The following IL3RA variants were observed in gnomAD, a reference collection of about 807,000 sequenced individuals.
The protein encoded by IL3RA is interleukin 3 receptor subunit alpha.
IL3RA carries 73 observed loss-of-function variants against 52.3 expected under a neutral mutation model. The observed-to-expected ratio is 1.40, with a 90% CI of 1.16 to 1.70. IL3RA has a LOEUF of 1.70. IL3RA is among the 40% of genes most tolerant of loss of function. The pLI is 0.00. For synonymous variants in IL3RA, 260 were observed against 194.0 expected, an observed-to-expected ratio of 1.34 and a Z score of -2.83; for missense variants, 664 against 504.4, an observed-to-expected ratio of 1.32 and a Z score of -3.03.
intron 4 of IL3RA, among the ~76,000 whole-genome samples, chrX:1,349,458 G>C (rs1311171240): frequency 2.0e-5 from 3 of 151,730 alleles, no homozygotes; most frequent in Non-Finnish European, 2.9e-5. Flanking sequence ...GGGAGTACAG[G>C]GGTGAGCCAC....
intron 10 of IL3RA, among the ~76,000 whole-genome samples, chrX:1,380,057 G>T (rs1209900230): frequency 6.6e-6 from 1 of 152,058 alleles, no homozygotes. Flanking sequence ...ACCATGCCCG[G>T]ATAATTTTGT....
At chrX:1,379,952 G>C (rs2089061435) in intron 10 of IL3RA, among the ~76,000 whole-genome samples, 1 of 152,134 alleles carries the variant, frequency 6.6e-6, no homozygotes, top group Non-Finnish European at 1.5e-5. Flanking sequence ...TAGAGATGGG[G>C]TTTCTCCGTG....
chrX:1,343,305 T>G (rs1390206126), intron 2 of IL3RA, among the ~76,000 whole-genome samples: 12 of 152,062 alleles, frequency 7.9e-5, no homozygotes, highest in Non-Finnish European at 1.6e-4. Flanking sequence ...CGATCAGAGA[T>G]AAACCCTAGA....
At chrX:1,377,549 C>T (rs1171427002) in intron 9 of IL3RA, among the ~76,000 whole-genome samples, 4 of 151,432 alleles carry the variant, frequency 2.6e-5, no homozygotes, top group Non-Finnish European at 5.9e-5. Context: ...GGCCAAATTC[C>T]TTTTTTCTGA....
intron 1 of IL3RA, among the ~76,000 whole-genome samples, chrX:1,340,871 CTT>C (rs1252191453): frequency 6.6e-6 from 1 of 152,064 alleles, no homozygotes; most frequent in African/African-American, 2.4e-5. Context: ...CATCCCAGCA[CTT>C]TGGGAGGCTG....
chrX:1,360,874 CCTCT>C (rs1222705845), intron 8 of IL3RA, among the ~76,000 whole-genome samples: 4 of 148,154 alleles, frequency 2.7e-5, no homozygotes, highest in East Asian at 2.0e-4. Flanking sequence ...TCTCCCTTCC[CCTCT>C]CTGTCTCTCT....
intron 3 of IL3RA, among the ~76,000 whole-genome samples, chrX:1,347,353 A>C (rs6645275): frequency 6.6e-6 from 1 of 150,802 alleles, no homozygotes; most frequent in African/African-American, 2.5e-5. Flanking sequence ...CTGAGGCAGG[A>C]GAATGGCTTG....
chrX:1,377,012 A>G (rs1179118739), intron 9 of IL3RA, among the ~76,000 whole-genome samples: 1 of 146,110 alleles, frequency 6.8e-6, no homozygotes, highest in Non-Finnish European at 1.5e-5. Context: ...AGCCTCTGGT[A>G]TTCTGTGACA....
chrX:1,381,645 A>G (rs1409858991), intron 11 of IL3RA, among the ~76,000 whole-genome samples: 40 of 151,522 alleles, frequency 2.6e-4, no homozygotes, highest in Non-Finnish European at 5.6e-4. Flanking sequence ...CCAAGGTTCA[A>G]GCGATTGTCC....
intron 10 of IL3RA, among the ~76,000 whole-genome samples, chrX:1,379,850 C>G (rs2089054393): frequency 6.6e-6 from 1 of 152,206 alleles, no homozygotes; most frequent in Admixed American, 6.5e-5. Context: ...ACCTCTGCCT[C>G]CTGGGTTCAA....
chrX:1,339,200 ATCTTCCTGGACCACAGCC>A (rs2072161269), intron 1 of IL3RA, among the ~76,000 whole-genome samples: 1 of 152,128 alleles, frequency 6.6e-6, no homozygotes, highest in South Asian at 2.1e-4. Context: ...TGACTCAGGC[ATCTTCCTGGACCACAGCC>A]CCTACAGGCA....
intron 8 of IL3RA, among the ~76,000 whole-genome samples, chrX:1,359,788 T>A (rs28760278): frequency 0.11 from 14,566 of 135,512 alleles, 895 homozygotes; most frequent in Middle Eastern, 0.24. Context: ...CCCTCCCTCT[T>A]TTATTCTCCC....
intron 9 of IL3RA, among the ~76,000 whole-genome samples, chrX:1,377,997 C>T (rs1341575479): frequency 7.9e-5 from 12 of 151,034 alleles, no homozygotes; most frequent in African/African-American, 1.7e-4. Flanking sequence ...ACCAGCCTAA[C>T]GAAGATGGTG....
rs754323602 is a variant in IL3RA, at chrX:1,365,228, G to A, written c.850G>A (p.Ala284Thr). 4 of 1,610,766 alleles carry A rather than the reference G, an allele frequency of 2.5e-6. No individual in the cohort carries two copies. Among genetic ancestry groups the A allele is most frequent in the Admixed American group, 1.7e-5 (1 of 59,940 alleles). ...GGAAAGAGTGTATGAATTCTTGAGC[G>A]CCTGGAGCACCCCCCAGCGCTTCGG... ...ARERVYEFLSAWSTPQRFECD... is the reference protein window; with the variant it reads ...ARERVYEFLSTWSTPQRFECD... The change falls in exon 9 of 12, where the codon GCC becomes ACC. Residue 284 changes from alanine to threonine, a missense_variant. By Grantham distance (58) the Ala-to-Thr change is moderately conservative (BLOSUM62 0). Transcript: ENST00000331035.
chrX:1,346,012 C>G (rs1289172150), intron 3 of IL3RA, among the ~76,000 whole-genome samples: 1 of 152,004 alleles, frequency 6.6e-6, no homozygotes, highest in Non-Finnish European at 1.5e-5. Flanking sequence ...TAAGCTATGA[C>G]TGGTGCGAAA....
chrX:1,355,774 T>C (rs2086660908), intron 6 of IL3RA, among the ~76,000 whole-genome samples: 1 of 151,434 alleles, frequency 6.6e-6, no homozygotes, highest in African/African-American at 2.4e-5. Context: ...CCTCCAAGGC[T>C]CCAGTGTGCT....
chrX:1,378,685 A>G lies in IL3RA; in HGVS notation c.901A>G (p.Thr301Ala). ...FECDQEEGAN[T>A]RAWRTSLLIA... Reference sequence around the variant, plus strand: ...GTGCGACCAGGAGGAGGGCGCAAACACACGTGCCTGGCGGACGTCGCTGCT... The same window carrying G: ...GTGCGACCAGGAGGAGGGCGCAAACGCACGTGCCTGGCGGACGTCGCTGCT... The change falls in exon 10 of 12, where the codon ACA becomes GCA. Residue 301 changes from threonine (T) to alanine (A), a missense_variant. By Grantham distance (58) the Thr-to-Ala change is moderately conservative (BLOSUM62 0). Transcript: ENST00000331035. 6.2e-7 allele frequency: 1 copy of G among 1,612,654 alleles called. No individual in the cohort carries two copies. The highest frequency in any genetic ancestry group is 1.1e-5 in the South Asian group (1 of 91,020).
chrX:1,378,751 G>A lies in IL3RA; in HGVS notation c.967G>A (p.Val323Met), dbSNP rs17883366. 20 of 1,612,042 alleles carry A rather than the reference G, an allele frequency of 1.2e-5. No homozygotes were observed. The highest frequency in any genetic ancestry group is 2.2e-5 in the East Asian group (1 of 44,896). ...GCTGCTGGCCCTGGTCTGTGTCTTC[G>A]TGATCTGCAGAAGGTGAGCCCTCGA... Reference protein sequence around the residue: ...GTLLALVCVFVICRRYLVMQR... With the variant: ...GTLLALVCVFMICRRYLVMQR... The change falls in exon 10 of 12, where the codon GTG becomes ATG. Residue 323 changes from valine (V) to methionine (M), a missense_variant. Val to Met is a conservative substitution (Grantham distance 21). Transcript: ENST00000331035.
chrX:1,341,932 G>A lies in IL3RA; in HGVS notation c.64+103G>A. 2.4e-6 allele frequency: 3 copies of A among 1,247,198 alleles called. No individual in the cohort carries two copies. The South Asian group carries it at 3.6e-5, about 15-fold the overall frequency. The allele number at this position is 1,247,198 out of a possible 1,614,324, so 77.3% of individuals were successfully genotyped here. On this transcript the variant is annotated intron_variant, in intron 2 of 11. Coordinates refer to ENST00000331035, the MANE Select transcript of IL3RA (RefSeq NM_002183.4). ...CCTTCAGGGAAACTTTTCATGCTGA[G>A]CTCATGGCAGAGTCTCATGCAGTGG...
Sources: allele counts gnomAD v4.1 joint callset (sites outside exome capture counted in the v4.1 genomes callset), GRCh38; gene constraint gnomAD v4.1.1; transcripts MANE v1.5; gene names NCBI Gene and HGNC (gene_info 2026-07-23, HGNC 2026-07-21).